LAMA1: variants seen among roughly 807,000 people sequenced by gnomAD.
The protein encoded by LAMA1 is laminin subunit alpha-1.
LAMA1 carries 219 observed loss-of-function variants against 348.7 expected under a neutral mutation model. The observed-to-expected ratio is 0.63, with a 90% CI of 0.56 to 0.70. The LOEUF (loss-of-function observed/expected upper bound fraction) is 0.70. Among genes scored for constraint, LAMA1 ranks in the 30% least tolerant of loss-of-function variants. LAMA1 has a pLI of 0.00. For synonymous variants in LAMA1, 1,487 were observed against 1,491.0 expected (o/e 1.00, Z 0.06); for missense variants, 3,744 against 3,888.0 (o/e 0.96, Z 0.99).
intron 3 of LAMA1, among the ~76,000 whole-genome samples, chr18:7,058,020 TCTTGAACTCCTGAC>T: frequency 6.6e-6 from 1 of 151,886 alleles, no homozygotes; most frequent in East Asian, 1.9e-4. Flanking sequence ...GCTAGGCTGG[TCTTGAACTCCTGAC>T]CTTGTGATCC....
At chr18:7,082,314 T>C (rs2069176) in intron 1 of LAMA1, among the ~76,000 whole-genome samples, 7,486 of 152,296 alleles carry the variant, frequency 0.049, 258 homozygotes, top group East Asian at 0.14. Context: ...ATTTTCATTT[T>C]TAACTTAAAG....
chr18:6,947,417 TC>T, intron 60 of LAMA1, 121 bp from the exon 61 acceptor site: 2 of 1,162,368 alleles, frequency 1.7e-6, no homozygotes, highest in Non-Finnish European at 2.5e-6. Flanking sequence ...TCCAGCTGCA[TC>T]CCCACCAGCA....
At chr18:6,955,629 C>T (rs2143990616) in intron 56 of LAMA1, 164 bp from the exon 57 acceptor site, 2 of 697,132 alleles carry the variant, frequency 2.9e-6, no homozygotes, top group Non-Finnish European at 5.2e-6. Context: ...AAATGATGCA[C>T]TCGCCAGCGC....
intron 1 of LAMA1, among the ~76,000 whole-genome samples, chr18:7,098,816 C>A (rs1388897438): frequency 3.1e-5 from 4 of 127,126 alleles, no homozygotes; most frequent in Non-Finnish European, 6.9e-5. Context: ...CCCCTCTGCC[C>A]GGCCACCGCC....
chr18:6,942,087 C>T lies in LAMA1; in HGVS notation c.9220G>A (p.Glu3074Lys), dbSNP rs1386169001. Residue 3074 changes from glutamate (E) to lysine (K), a missense_variant, in exon 63 of 63, where the codon GAG becomes AAG. By Grantham distance (56) the Glu-to-Lys change is moderately conservative. Transcript: ENST00000389658. The stretch of plus-strand genomic sequence containing the variant: ...AGGATTCTGCTTGAAGTTCAGGACT[C>T]GGTCCCAGGACAGGAATGAAGGAAA... ...GVFLHSCPGT[E>K]S 1.9e-6 allele frequency: 3 copies of T among 1,614,126 alleles called. No individual in the cohort carries two copies. Among genetic ancestry groups the T allele is most frequent in the Admixed American group, 1.7e-5 (1 of 60,018 alleles).
intron 12 of LAMA1, 129 bp from the exon 13 acceptor site, chr18:7,036,217 A>G: frequency 2.8e-6 from 2 of 725,584 alleles, no homozygotes; most frequent in South Asian, 3.0e-5. Context: ...ACCATGACAG[A>G]CAAGGAAATT....
intron 1 of LAMA1, among the ~76,000 whole-genome samples, chr18:7,107,883 G>A (rs145506788): frequency 0.015 from 2,286 of 151,812 alleles, 59 homozygotes; most frequent in African/African-American, 0.051. Flanking sequence ...GCCTGGTGGC[G>A]GGTGCCTGTA....
In LAMA1 at chr18:6,972,935, C is replaced by A. The variant is rs567337529; in HGVS notation, c.6774+122G>T. 47 of 1,027,820 alleles carry A rather than the reference C, an allele frequency of 4.6e-5. No homozygotes were observed. The African/African-American group carries it at 6.6e-4, about 14-fold the overall frequency. The allele number at this position is 1,027,820 out of a possible 1,614,324, so 63.7% of individuals were successfully genotyped here. ...TGAACTCCGGACCTCAGGTGATCTG[C>A]CCACCTTGGCCTCCCAAAGTTCTGG... On this transcript the variant is annotated intron_variant, in intron 47 of 62. Transcript: ENST00000389658.
At chr18:7,010,930 C>G (rs1430339358) in intron 25 of LAMA1, among the ~76,000 whole-genome samples, 1 of 152,190 alleles carries the variant, frequency 6.6e-6, no homozygotes, top group Non-Finnish European at 1.5e-5. Context: ...CAGTCAATGA[C>G]AAACCACATA....
At chr18:7,078,330 C>A (rs561612823) in intron 3 of LAMA1, among the ~76,000 whole-genome samples, 4 of 151,118 alleles carry the variant, frequency 2.6e-5, no homozygotes, top group Admixed American at 6.6e-5. Flanking sequence ...CCACGCCCAG[C>A]TAATTTTTTG....
At chr18:7,078,457 C>T (rs1181488627) in intron 3 of LAMA1, among the ~76,000 whole-genome samples, 1 of 151,836 alleles carries the variant, frequency 6.6e-6, no homozygotes, top group Non-Finnish European at 1.5e-5. Flanking sequence ...TGAGCCACCG[C>T]ACCTGGCTCT....
Position 6,999,890 on chromosome 18 carries a change from CAT to C in LAMA1, c.4469+19_4469+20del. ...GAAACAGAGTGCCCAGGGATTTCCA[CAT>C]GACAATCCACCCATGTACCTTTCAC... On this transcript the variant is annotated intron_variant, in intron 31 of 62. Transcript: ENST00000389658. 1 of 1,603,006 alleles carries C rather than the reference CAT, an allele frequency of 6.2e-7. No homozygotes were observed. Among genetic ancestry groups the C allele is most frequent in the Non-Finnish European group, 8.5e-7 (1 of 1,169,872 alleles).
chr18:7,048,163 T>C (rs1178475989), intron 5 of LAMA1, among the ~76,000 whole-genome samples: 1 of 152,164 alleles, frequency 6.6e-6, no homozygotes, highest in Non-Finnish European at 1.5e-5. Context: ...AATTCTTTTA[T>C]AAGTCAGTAA....
intron 51 of LAMA1, 117 bp from the exon 52 acceptor site, chr18:6,962,176 C>T (rs1488017961): frequency 4.0e-6 from 3 of 745,544 alleles, no homozygotes; most frequent in Non-Finnish European, 7.3e-6. Flanking sequence ...AATCCCAGCA[C>T]TTTGGAAGGC....
intron 62 of LAMA1, among the ~76,000 whole-genome samples, chr18:6,942,444 C>T (rs1373677787): frequency 6.6e-6 from 1 of 151,412 alleles, no homozygotes; most frequent in Admixed American, 6.6e-5. Context: ...GATGGAGTCT[C>T]GCTCTGCCAC....
chr18:7,030,801 A>G (rs1022439792), intron 16 of LAMA1, among the ~76,000 whole-genome samples: 1 of 152,154 alleles, frequency 6.6e-6, no homozygotes, highest in African/African-American at 2.4e-5. Context: ...TACAAAAGAC[A>G]TAAGTGGCAG....
At chr18:7,115,961 G>A (rs989354224) in intron 1 of LAMA1, among the ~76,000 whole-genome samples, 5 of 151,862 alleles carry the variant, frequency 3.3e-5, no homozygotes, top group Non-Finnish European at 7.4e-5. Context: ...CCTGCAGCCC[G>A]GAGACTGCAA....
chr18:7,080,094 A>C lies in LAMA1; in HGVS notation c.233-7T>G. The C allele has an allele frequency of 6.2e-7, 1 of 1,607,548 alleles. No individual in the cohort carries two copies. The highest frequency in any genetic ancestry group is 1.3e-5 in the African/African-American group (1 of 74,916). On this transcript the variant is annotated splice_polypyrimidine_tract_variant and splice_region_variant and intron_variant, in intron 2 of 62. Transcript: ENST00000389658. ...TGTGATATTGGATGGCGTTCTGTTG[A>C]AAGAAAATAAAAAACATGAATTCCT...
chr18:7,009,963 T>G (rs142656937), intron 26 of LAMA1, among the ~76,000 whole-genome samples: 2,288 of 152,168 alleles, frequency 0.015, 60 homozygotes, highest in African/African-American at 0.052. Flanking sequence ...TGTGCCACCA[T>G]GCCTGGCTAA....
Sources: gnomAD v4.1 joint callset for allele counts (sites outside exome capture counted in the v4.1 genomes callset) on GRCh38, gnomAD v4.1.1 for gene constraint, MANE v1.5 for transcripts, NCBI Gene and HGNC (gene_info 2026-07-23, HGNC 2026-07-21) for gene names.